The following MPHOSPH9 variants were observed in gnomAD, a reference collection of about 807,000 sequenced individuals.
MPHOSPH9 encodes M-phase phosphoprotein 9.
In MPHOSPH9, 88 loss-of-function variants were observed where a neutral mutation model predicts 145.5. That is an observed-to-expected ratio of 0.60 (90% CI 0.51 to 0.72). The LOEUF is 0.72. Ranked by LOEUF, MPHOSPH9 falls within the 30% of genes least tolerant of loss-of-function variation. The probability of loss-of-function intolerance (pLI) is 0.00; values close to 1 mark genes in which losing one functional copy is unlikely to be tolerated. For synonymous variants in MPHOSPH9, 435 were observed against 486.2 expected (o/e 0.89, Z 1.39); for missense variants, 1,238 against 1,386.6 (o/e 0.89, Z 1.70).
At chr12:123,229,309 AT>A (rs1263450432) in intron 2 of MPHOSPH9, among the ~76,000 whole-genome samples, 1 of 152,182 alleles carries the variant, frequency 6.6e-6, no homozygotes, top group Non-Finnish European at 1.5e-5. Flanking sequence ...TAGAAACCCA[AT>A]AACCAAGCTT....
intron 11 of MPHOSPH9, among the ~76,000 whole-genome samples, chr12:123,200,293 A>AAC (rs1409031150): frequency 6.6e-6 from 1 of 151,306 alleles, no homozygotes; most frequent in African/African-American, 2.4e-5. Context: ...TGTCCTCTGT[A>AAC]ACACAGCTTT....
At position 123,210,065 on chromosome 12, in the gene MPHOSPH9, T is replaced by A; in HGVS notation, c.1185A>T (p.Ser395=). 1 of 1,607,778 alleles carries A rather than the reference T, an allele frequency of 6.2e-7. No individual in the cohort carries two copies. Among genetic ancestry groups the A allele is most frequent in the Non-Finnish European group, 8.5e-7 (1 of 1,176,486 alleles). Residue 395 remains serine (S), a synonymous_variant, in exon 8 of 24, where the codon TCA becomes TCT. Transcript: ENST00000606320. ...TFISLSSTDV[S]PNQSNTSNEM... The stretch of plus-strand genomic sequence containing the variant: ...TGTGTTTTTAAATTACCTGGTTTGG[T>A]GACACATCTGTGGAAGACAATGATA...
chr12:123,222,944 GTGTGTGTGTATATATATA>G (rs1355213117), intron 4 of MPHOSPH9, 76 bp downstream of exon 4: 2 of 695,126 alleles, frequency 2.9e-6, no homozygotes, highest in African/African-American at 4.5e-5. Flanking sequence ...TTCTATATAT[GTGTGTGTGTATATATATA>G]TGTGTGTGTG....
Position 123,230,396 on chromosome 12 carries a change from GA to G in MPHOSPH9, c.-33del. 7.5e-7 allele frequency: 1 copy of G among 1,331,724 alleles called. No individual in the cohort carries two copies. Among genetic ancestry groups the G allele is most frequent in the Non-Finnish European group, 1.0e-6 (1 of 977,428 alleles). The allele number at this position is 1,331,724 out of a possible 1,614,324, so 82.5% of individuals were successfully genotyped here. A position where few individuals can be genotyped will look rare whatever the true frequency, so the allele number is the denominator to read the frequency against. ...CAGAAATTGTTATATTCTCTTATTG[GA>G]AAATAAAGGTTCTTGGGCTGTTTGA... On this transcript the variant is annotated 5_prime_UTR_variant, in exon 2 of 24. The change abolishes the stop of an existing upstream ORF in the 5' untranslated region. Coordinates refer to ENST00000606320, the MANE Select transcript of MPHOSPH9 (RefSeq NM_022782.4).
intron 13 of MPHOSPH9, among the ~76,000 whole-genome samples, chr12:123,189,495 C>A (rs1243160709): frequency 6.6e-6 from 1 of 152,108 alleles, no homozygotes; most frequent in African/African-American, 2.4e-5. Flanking sequence ...ACAGCAATGA[C>A]AAACTGGCAA....
At chr12:123,236,730 T>TA (rs1565989730), upstream of MPHOSPH9, among the ~76,000 whole-genome samples, 1 of 152,230 alleles carries the variant, frequency 6.6e-6, no homozygotes, top group Non-Finnish European at 1.5e-5. Flanking sequence ...CCTGCTTTTT[T>TA]AATGTGTTTC....
chr12:123,167,429 C>T (rs2044365599), intron 16 of MPHOSPH9, among the ~76,000 whole-genome samples: 2 of 152,150 alleles, frequency 1.3e-5, no homozygotes, highest in African/African-American at 4.8e-5. Flanking sequence ...GACAGTATTC[C>T]AGATAATAAG....
At chr12:123,181,549 CA>C (rs2045145104) in intron 13 of MPHOSPH9, among the ~76,000 whole-genome samples, 2 of 148,588 alleles carry the variant, frequency 1.3e-5, no homozygotes, top group Non-Finnish European at 3.0e-5. Flanking sequence ...TCTTCAAAAA[CA>C]AAAACAAAAA....
Position 123,221,415 on chromosome 12 carries a change from C to T in MPHOSPH9, c.829G>A (p.Gly277Ser), listed in dbSNP as rs36121382. 68,504 of 1,607,890 alleles carry T rather than the reference C, an allele frequency of 0.043. 2,607 individuals carry two copies. Among genetic ancestry groups the T allele is most frequent in the East Asian group, 0.26 (11,571 of 44,816 alleles). ...TATACTTCAGAAACCTTATTTTCACCAAGAAAATTATGTTCAAATTCACCA... is the reference window on the plus strand; with the variant it reads ...TATACTTCAGAAACCTTATTTTCACTAAGAAAATTATGTTCAAATTCACCA... ...SPGEFEHNFL[G>S]ENKVSEVYSG... The change falls in exon 5 of 24, where the codon GGT becomes AGT. Residue 277 changes from glycine (G) to serine (S), a missense_variant. By Grantham distance (56) the Gly-to-Ser change is moderately conservative. Coordinates refer to ENST00000606320, the MANE Select transcript of MPHOSPH9 (RefSeq NM_022782.4).
chr12:123,197,984 T>C (rs1448434937), intron 12 of MPHOSPH9, among the ~76,000 whole-genome samples: 1 of 149,482 alleles, frequency 6.7e-6, no homozygotes, highest in Non-Finnish European at 1.5e-5. Context: ...CTCAGGAGGC[T>C]GAGGCAGGAG....
rs1318188036 is a variant in MPHOSPH9 at position 123,166,702 on chromosome 12, G to C, written c.2544C>G (p.Thr848=). Residue 848 remains threonine, a synonymous_variant, in exon 17 of 24, where the codon ACC becomes ACG. Transcript: ENST00000606320. Reference sequence around the variant, plus strand: ...GCTGGTTATCCACGTTACTGTCCTGGGTGTCCAGAGGCTGGCCAGTAAAGA... The same window carrying C: ...GCTGGTTATCCACGTTACTGTCCTGCGTGTCCAGAGGCTGGCCAGTAAAGA... The part of the protein sequence containing the change: ...YSIFTGQPLD[T]QDSNVDNQLE... The C allele has an allele frequency of 6.2e-7, 1 of 1,614,036 alleles. No homozygotes were observed.
chr12:123,164,002 G>A lies in MPHOSPH9; in HGVS notation c.2856C>T (p.Ala952=). The A allele has an allele frequency of 6.2e-7, 1 of 1,614,084 alleles. No individual in the cohort carries two copies. Among genetic ancestry groups the A allele is most frequent in the Non-Finnish European group, 8.5e-7 (1 of 1,179,994 alleles). ...AQQRQKRLNS[A]SQRSSSLPPS... is the part of the protein sequence containing the mutation. ...GTGGTAAAGATGATGATCTCTGTGA[G>A]GCCGAATTAAGTCTCTTTTGTCTCT... The change falls in exon 19 of 24, where the codon GCC becomes GCT. Residue 952 remains alanine (A), a synonymous_variant. Transcript: ENST00000606320.
rs567690196 is a variant in MPHOSPH9 at position 123,215,522 on chromosome 12, TATC to T, written c.997-691_997-689del. 7.9e-5 allele frequency among the ~76,000 whole-genome samples: 12 copies of T among 152,322 alleles called. No individual in the cohort carries two copies. In the South Asian group the frequency reaches 1.9e-3, roughly 24 times the overall value. On this transcript the variant is annotated intron_variant, in intron 6 of 23. Transcript: ENST00000606320. The stretch of plus-strand genomic sequence containing the variant: ...TGTAAAAGCTCTAACAATTCATTTT[TATC>T]ATAATTACAATAAATCAGATTAACT...
At position 123,226,521 on chromosome 12, in the gene MPHOSPH9, C is replaced by CTT. The variant is rs200868180; in HGVS notation, c.258+940_258+941dup. 1.7e-3 allele frequency among the ~76,000 whole-genome samples: 240 copies of CTT among 145,032 alleles called. 3 individuals carry two copies. Among genetic ancestry groups the CTT allele is most frequent in the African/African-American group, 5.4e-3 (214 of 39,728 alleles). ...TCCTATGAAATAAAATTTATATATA[C>CTT]TTTTTTTTTTTTTTACTGAGGGGGT... On this transcript the variant is annotated intron_variant, in intron 3 of 23. Transcript: ENST00000606320.
At chr12:123,152,403 C>T (rs1486980481), downstream of MPHOSPH9, 41 of 352,366 alleles carry the variant, frequency 1.2e-4, no homozygotes, top group East Asian at 3.2e-3. Flanking sequence ...CTTACAGCTT[C>T]ACGACTCCAG....
chr12:123,209,737 G>T (rs376449608), intron 8 of MPHOSPH9, among the ~76,000 whole-genome samples: 18 of 123,678 alleles, frequency 1.5e-4, no homozygotes, highest in South Asian at 2.6e-4. Flanking sequence ...TTGTTTTGTT[G>T]TTTTTTTTTT....
At chr12:123,198,652 A>T (rs574400895) in intron 11 of MPHOSPH9, among the ~76,000 whole-genome samples, 1 of 152,032 alleles carries the variant, frequency 6.6e-6, no homozygotes, top group African/African-American at 2.4e-5. Context: ...TCTACTAAAA[A>T]TACAAAAATT....
At chr12:123,183,149 C>A (rs2045268032) in intron 13 of MPHOSPH9, among the ~76,000 whole-genome samples, 2 of 152,128 alleles carry the variant, frequency 1.3e-5, no homozygotes, top group Admixed American at 6.6e-5. Context: ...TTCTTCTCTT[C>A]ACCCTCAGAG....
At chr12:123,209,176 G>A (rs1332166297) in intron 8 of MPHOSPH9, among the ~76,000 whole-genome samples, 1 of 152,056 alleles carries the variant, frequency 6.6e-6, no homozygotes, top group Non-Finnish European at 1.5e-5. Context: ...CAGGTGATCT[G>A]CCCACCTTGG....
Sources: gnomAD v4.1 joint callset for allele counts (sites outside exome capture counted in the v4.1 genomes callset) on GRCh38, gnomAD v4.1.1 for gene constraint, MANE v1.5 for transcripts, NCBI Gene and HGNC (gene_info 2026-07-23, HGNC 2026-07-21) for gene names.